AP1G1: variants seen among roughly 807,000 people sequenced by gnomAD.
AP1G1 encodes AP-1 complex subunit gamma-1.
AP1G1 carries 7 observed loss-of-function variants against 108.3 expected under a neutral mutation model. The ratio of observed to expected loss-of-function variants is 0.06; its 90% CI spans 0.04 to 0.12. The LOEUF is 0.12. AP1G1 is among the 10% of genes least tolerant of loss of function. AP1G1 has a pLI of 1.00. For synonymous variants in AP1G1, 379 were observed against 353.5 expected, an observed-to-expected ratio of 1.07 and a Z score of -0.81; for missense variants, 756 against 1,010.7, an observed-to-expected ratio of 0.75 and a Z score of 3.42.
Position 71,769,364 on chromosome 16 carries a change from T to C in AP1G1, c.642+259A>G, listed in dbSNP as rs114330251. ...TTTCTTGACTCAAATGTGAAAACAG[T>C]AGATAAAACACATGAGATTGGTGTG... On this transcript the variant is annotated intron_variant, in intron 6 of 22. Coordinates refer to ENST00000299980, the MANE Select transcript of AP1G1 (RefSeq NM_001128.6). Among the ~76,000 whole-genome samples, 660 of 151,976 alleles carry C rather than the reference T, an allele frequency of 4.3e-3. 11 individuals are homozygous for C. Among genetic ancestry groups the C allele is most frequent in the African/African-American group, 0.015 (640 of 41,454 alleles).
rs200448545 is a variant in AP1G1 at position 71,733,031 on chromosome 16, A to T, written c.*27T>A. On this transcript the variant is annotated 3_prime_UTR_variant, in exon 23 of 23. Transcript: ENST00000299980. ...CCCAGAGTTCCTTTGATTGAGTGGG[A>T]TAAAGAATGAGAATGGTGCCAAACC... The T allele has an allele frequency of 1.5e-5, 23 of 1,576,670 alleles. No individual in the cohort carries two copies. The East Asian group carries it at 5.1e-4, about 35-fold the overall frequency.
chr16:71,781,996 T>C (rs1202800364), intron 2 of AP1G1, among the ~76,000 whole-genome samples: 2 of 152,188 alleles, frequency 1.3e-5, no homozygotes, highest in Non-Finnish European at 2.9e-5. Flanking sequence ...TTTTGTGACA[T>C]TAGCAGCAAC....
intron 1 of AP1G1, among the ~76,000 whole-genome samples, chr16:71,789,929 A>G (rs531985753): frequency 6.6e-6 from 1 of 152,288 alleles, no homozygotes; most frequent in South Asian, 2.1e-4. Context: ...TCATAGCTCA[A>G]CTCAACAAAA....
intron 2 of AP1G1, among the ~76,000 whole-genome samples, chr16:71,778,719 T>C (rs1051970541): frequency 5.5e-5 from 8 of 146,448 alleles, no homozygotes; most frequent in Non-Finnish European, 7.5e-5. Flanking sequence ...AAAAAAAGAA[T>C]GTTATCAAAG....
intron 6 of AP1G1, among the ~76,000 whole-genome samples, chr16:71,766,896 C>T (rs2145475562): frequency 6.6e-6 from 1 of 152,336 alleles, no homozygotes; most frequent in African/African-American, 2.4e-5. Flanking sequence ...TAAGACAAAT[C>T]TAAGCCATGG....
chr16:71,780,623 C>G (rs2031978470), intron 2 of AP1G1, among the ~76,000 whole-genome samples: 1 of 151,426 alleles, frequency 6.6e-6, no homozygotes, highest in Non-Finnish European at 1.5e-5. Flanking sequence ...TTAAAAGTCA[C>G]CTTTATTTAT....
At position 71,745,216 on chromosome 16, in the gene AP1G1, T is replaced by C. The variant is rs778148831; in HGVS notation, c.1927A>G (p.Thr643Ala). Residue 643 changes from threonine to alanine, a missense_variant, in exon 19 of 23, where the codon ACT becomes GCT. Transcript: ENST00000299980. ...GAAGATGGTTTGCTTGTAGGCGCAGTTGGAATAACAGGTGTTATGTCATTT... is the reference window on the plus strand; with the variant it reads ...GAAGATGGTTTGCTTGTAGGCGCAGCTGGAATAACAGGTGTTATGTCATTT... ...GGNDITPVIPTAPTSKPSSAG... is the reference protein window; with the variant it reads ...GGNDITPVIPAAPTSKPSSAG... 2 of 1,614,234 alleles carry C rather than the reference T, an allele frequency of 1.2e-6. No individual in the cohort carries two copies. The highest frequency in any genetic ancestry group is 1.1e-5 in the South Asian group (1 of 91,086).
At chr16:71,792,369 G>T (rs1262888527) in intron 1 of AP1G1, among the ~76,000 whole-genome samples, 1 of 152,042 alleles carries the variant, frequency 6.6e-6, no homozygotes, top group Non-Finnish European at 1.5e-5. Context: ...GTGGAGAAGG[G>T]CAATGACAAA....
At chr16:71,760,018 T>G (rs900580774) in intron 10 of AP1G1, among the ~76,000 whole-genome samples, 4 of 152,092 alleles carry the variant, frequency 2.6e-5, no homozygotes, top group Middle Eastern at 6.8e-3. Flanking sequence ...TATGTTAGTG[T>G]TTTAACATTT....
chr16:71,785,407 C>A (rs942588917), intron 2 of AP1G1, among the ~76,000 whole-genome samples: 2 of 151,454 alleles, frequency 1.3e-5, no homozygotes, highest in Admixed American at 6.6e-5. Flanking sequence ...GAAACCCTGT[C>A]TCTACCAAAA....
At chr16:71,783,191 T>A (rs1015908506) in intron 2 of AP1G1, among the ~76,000 whole-genome samples, 1 of 152,182 alleles carries the variant, frequency 6.6e-6, no homozygotes, top group African/African-American at 2.4e-5. Context: ...AGAGTGGCTA[T>A]TATCATCACT....
Position 71,753,835 on chromosome 16 carries a change from T to C in AP1G1, c.1282A>G (p.Thr428Ala). 1.2e-6 allele frequency: 2 copies of C among 1,613,892 alleles called. No homozygotes were observed. Among genetic ancestry groups the C allele is most frequent in the Non-Finnish European group, 8.5e-7 (1 of 1,179,748 alleles). ...GCTGTCTGAAAGAAGCTACTTACCGTTGTCAAAACACGCATAATTGTGTCT... is the reference window on the plus strand; with the variant it reads ...GCTGTCTGAAAGAAGCTACTTACCGCTGTCAAAACACGCATAATTGTGTCT... Reference protein sequence around the residue: ...HIDTIMRVLTTAGSYVRDDAV... With the variant: ...HIDTIMRVLTAAGSYVRDDAV... Residue 428 changes from threonine (T) to alanine (A), a missense_variant and splice_region_variant, in exon 13 of 23, where the codon ACG becomes GCG. By Grantham distance (58) the Thr-to-Ala change is moderately conservative. This residue lies in a region of AP1G1 where 357 missense variants were observed against 366.5 expected (regional missense o/e 0.97). Transcript: ENST00000299980.
At chr16:71,766,235 T>C (rs928875985) in intron 6 of AP1G1, among the ~76,000 whole-genome samples, 1 of 152,182 alleles carries the variant, frequency 6.6e-6, no homozygotes, top group Non-Finnish European at 1.5e-5. Flanking sequence ...TCTTAACTCC[T>C]ATGATACAAT....
Position 71,732,923 on chromosome 16 carries a change from G to A in AP1G1, c.*135C>T. On this transcript the variant is annotated 3_prime_UTR_variant, in exon 23 of 23. Transcript: ENST00000299980. The stretch of plus-strand genomic sequence containing the variant: ...GCTTCAAGGTCAGCAGTAACTTTAG[G>A]AAAATCCTCCTCAGCAGTTCTCTTC... 1.5e-6 allele frequency: 1 copy of A among 660,678 alleles called. No individual in the cohort carries two copies. Among genetic ancestry groups the A allele is most frequent in the Non-Finnish European group, 2.6e-6 (1 of 385,698 alleles). 40.9% of individuals were successfully genotyped at this position (660,678 alleles called of 1,614,324 possible).
chr16:71,746,972 C>G, intron 16 of AP1G1: 1 of 209,572 alleles, frequency 4.8e-6, no homozygotes, highest in South Asian at 1.1e-4. Flanking sequence ...ATATATGCCA[C>G]TCCCTAAACT....
intron 17 of AP1G1, among the ~76,000 whole-genome samples, chr16:71,746,049 C>A (rs1319687556): frequency 1.3e-5 from 2 of 151,880 alleles, no homozygotes; most frequent in African/African-American, 2.4e-5. Flanking sequence ...CTTGCTCTGT[C>A]GCCAGGCTGG....
At chr16:71,796,058 G>A (rs574044461) in intron 1 of AP1G1, among the ~76,000 whole-genome samples, 5 of 152,244 alleles carry the variant, frequency 3.3e-5, no homozygotes, top group East Asian at 1.9e-4. Flanking sequence ...GCAACATGGC[G>A]ACACCCAGTC....
chr16:71,749,639 C>T (rs911669402), intron 15 of AP1G1, among the ~76,000 whole-genome samples: 28 of 152,000 alleles, frequency 1.8e-4, no homozygotes, highest in African/African-American at 6.0e-4. Context: ...TGGGACTAGA[C>T]ACCATCATAC....
chr16:71,805,877 C>G (rs1218210560), intron 1 of AP1G1, among the ~76,000 whole-genome samples: 1 of 151,806 alleles, frequency 6.6e-6, no homozygotes, highest in Non-Finnish European at 1.5e-5. Flanking sequence ...AAAAATTAGC[C>G]CTGCGTGGTA....
Sources: gnomAD v4.1 joint callset for allele counts (sites outside exome capture counted in the v4.1 genomes callset) on GRCh38, gnomAD v4.1.1 for gene constraint, gnomAD v4.1.1 regional missense constraint, MANE v1.5 for transcripts, NCBI Gene and HGNC (gene_info 2026-07-23, HGNC 2026-07-21) for gene names.